Variants in SLC24A2 observed in about 807,000 individuals in gnomAD.
The protein encoded by SLC24A2 is sodium/potassium/calcium exchanger 2.
Under a neutral mutation model 62.0 loss-of-function variants are expected in SLC24A2, and 36 were observed. That is an observed-to-expected ratio of 0.58 (90% confidence interval 0.44 to 0.77). SLC24A2 has a LOEUF of 0.77. Among genes scored for constraint, SLC24A2 ranks in the 30% least tolerant of loss-of-function variants. The probability of loss-of-function intolerance (pLI) is 0.00; values close to 1 mark genes in which losing one functional copy is unlikely to be tolerated. For synonymous variants in SLC24A2, 358 were observed against 294.0 expected, an observed-to-expected ratio of 1.22 and a Z score of -2.23; for missense variants, 846 against 817.9, an observed-to-expected ratio of 1.03 and a Z score of -0.42.
chr9:20,236,005 A>G, the SLC24A2 span, among the ~76,000 whole-genome samples: 17 of 152,188 alleles, frequency 1.1e-4, no homozygotes, highest in Non-Finnish European at 2.2e-4. Flanking sequence ...GTAGAAGCTC[A>G]ATTGATGTTT....
At chr9:20,080,871 GA>G in the SLC24A2 span, among the ~76,000 whole-genome samples, 1 of 152,084 alleles carries the variant, frequency 6.6e-6, no homozygotes, top group Admixed American at 6.5e-5. Context: ...AAAGACACAT[GA>G]AAAAATGCTC....
At chr9:19,603,780 C>A (rs1998268) in intron 4 of SLC24A2, among the ~76,000 whole-genome samples, 130,110 of 152,180 alleles carry the variant, frequency 0.85, 56,182 homozygotes, top group East Asian at 1. Flanking sequence ...CAAAGTGAAA[C>A]TATAACACCT....
At chr9:20,182,396 C>G in the SLC24A2 span, among the ~76,000 whole-genome samples, 1 of 152,170 alleles carries the variant, frequency 6.6e-6, no homozygotes, top group Admixed American at 6.5e-5. Context: ...AAATGTCCAT[C>G]AATGATAGAC....
At chr9:20,233,042 G>A in the SLC24A2 span, among the ~76,000 whole-genome samples, 834 of 152,214 alleles carry the variant, frequency 5.5e-3, 9 homozygotes, top group East Asian at 0.028. Context: ...GGTTTTGAGT[G>A]AGTTTCTTAA....
chr9:19,874,996 C>T, the SLC24A2 span, among the ~76,000 whole-genome samples: 3 of 96,752 alleles, frequency 3.1e-5, no homozygotes, highest in Non-Finnish European at 2.0e-5. Context: ...TCCAGAATTA[C>T]AAAAAAAAAA....
chr9:19,635,318 T>C (rs960542746), intron 2 of SLC24A2, among the ~76,000 whole-genome samples: 2 of 152,232 alleles, frequency 1.3e-5, no homozygotes, highest in Non-Finnish European at 2.9e-5. Flanking sequence ...CTAATTACTA[T>C]TGGCTCTGAA....
chr9:19,864,851 G>C, the SLC24A2 span, among the ~76,000 whole-genome samples: 1 of 151,992 alleles, frequency 6.6e-6, no homozygotes, highest in Non-Finnish European at 1.5e-5. Flanking sequence ...GATCAGATAA[G>C]AGAAAGATAT....
the SLC24A2 span, among the ~76,000 whole-genome samples, chr9:20,197,427 C>CTTTTTT: frequency 1.5e-4 from 14 of 93,154 alleles, no homozygotes; most frequent in South Asian, 4.4e-4. Flanking sequence ...CTCTCTCTCT[C>CTTTTTT]TTTTTTTTTT....
the SLC24A2 span, among the ~76,000 whole-genome samples, chr9:20,010,505 T>C: frequency 6.6e-6 from 1 of 151,830 alleles, no homozygotes; most frequent in African/African-American, 2.4e-5. Context: ...TAAGTAAAAT[T>C]TGGAAAACAA....
chr9:20,033,486 A>C, the SLC24A2 span, among the ~76,000 whole-genome samples: 1 of 152,230 alleles, frequency 6.6e-6, no homozygotes, highest in Non-Finnish European at 1.5e-5. Flanking sequence ...TTTACTTTTT[A>C]GTAGACAGGT....
intron 2 of SLC24A2, among the ~76,000 whole-genome samples, chr9:19,625,708 TG>T (rs1818016932): frequency 6.8e-6 from 1 of 146,336 alleles, no homozygotes; most frequent in African/African-American, 2.5e-5. Context: ...TTTTTTGAGA[TG>T]GGGTTTCACT....
chr9:19,620,523 A>G (rs1454144105), intron 3 of SLC24A2, among the ~76,000 whole-genome samples: 2 of 152,228 alleles, frequency 1.3e-5, no homozygotes, highest in Non-Finnish European at 2.9e-5. Flanking sequence ...GCCAAATAAA[A>G]GGAACTGGTA....
intron 2 of SLC24A2, among the ~76,000 whole-genome samples, chr9:19,746,858 G>T (rs1821847017): frequency 6.6e-6 from 1 of 152,016 alleles, no homozygotes; most frequent in African/African-American, 2.4e-5. Flanking sequence ...TCCTTTTGGG[G>T]GTTCTTATAG....
the SLC24A2 span, among the ~76,000 whole-genome samples, chr9:19,841,409 A>G: frequency 6.6e-6 from 1 of 152,138 alleles, no homozygotes; most frequent in Non-Finnish European, 1.5e-5. Context: ...ATCCTTGGTA[A>G]AAGAAGAGCA....
At chr9:19,521,750 A>G (rs182404510) in intron 9 of SLC24A2, among the ~76,000 whole-genome samples, 17 of 152,318 alleles carry the variant, frequency 1.1e-4, no homozygotes, top group Admixed American at 3.3e-4. Context: ...ACTGGGGATA[A>G]TAATACCTAC....
the SLC24A2 span, among the ~76,000 whole-genome samples, chr9:19,837,180 C>T: frequency 3.9e-5 from 6 of 152,044 alleles, no homozygotes; most frequent in East Asian, 1.9e-4. Context: ...GGGCCGGGTG[C>T]GGTGGCTCAC....
the SLC24A2 span, among the ~76,000 whole-genome samples, chr9:19,882,896 C>A: frequency 6.6e-6 from 1 of 152,128 alleles, no homozygotes; most frequent in African/African-American, 2.4e-5. Flanking sequence ...TGCAGGATTC[C>A]TTTTAGAGCT....
chr9:19,762,082 G>C (rs1822351242), intron 2 of SLC24A2, among the ~76,000 whole-genome samples: 1 of 152,156 alleles, frequency 6.6e-6, no homozygotes, highest in African/African-American at 2.4e-5. Context: ...GGTTGAACTA[G>C]TTTACAGTCC....
chr9:19,994,147 C>G, the SLC24A2 span, among the ~76,000 whole-genome samples: 1 of 152,152 alleles, frequency 6.6e-6, no homozygotes, highest in African/African-American at 2.4e-5. Flanking sequence ...GCACCTGCTT[C>G]TAGTGGAAAA....
Sources: allele counts gnomAD v4.1 joint callset (sites outside exome capture counted in the v4.1 genomes callset), GRCh38; gene constraint gnomAD v4.1.1; transcripts MANE v1.5; gene names NCBI Gene and HGNC (gene_info 2026-07-23, HGNC 2026-07-21).